AVEN: variants seen among roughly 807,000 people sequenced by gnomAD.
AVEN encodes apoptosis and caspase activation inhibitor.
AVEN carries 41 observed loss-of-function variants against 38.1 expected under a neutral mutation model. That is an observed-to-expected ratio of 1.08 (90% CI 0.84 to 1.40). The LOEUF is 1.40. Ranked by LOEUF, AVEN falls within the 40% of genes most tolerant of loss-of-function variation. AVEN has a pLI of 0.00. For missense variants in AVEN, 605 were observed against 438.8 expected, an observed-to-expected ratio of 1.38 and a Z score of -3.38; for synonymous variants, 206 against 171.8, an observed-to-expected ratio of 1.20 and a Z score of -1.56.
intron 1 of AVEN, among the ~76,000 whole-genome samples, chr15:34,023,146 G>A (rs899103501): frequency 1.3e-5 from 2 of 151,856 alleles, no homozygotes; most frequent in Non-Finnish European, 1.5e-5. Flanking sequence ...GCGCCACTGC[G>A]CTCCAGCCTG....
chr15:33,866,009 T>C (rs1168225447), downstream of AVEN: 1 of 153,052 alleles, frequency 6.5e-6, no homozygotes, highest in African/African-American at 2.4e-5. Flanking sequence ...AGTAATGCTT[T>C]ATGGTCCCTT....
At chr15:34,043,059 A>C (rs1050687950), upstream of AVEN, among the ~76,000 whole-genome samples, 6 of 152,036 alleles carry the variant, frequency 3.9e-5, no homozygotes, top group Non-Finnish European at 7.4e-5. Flanking sequence ...CATCCTGGCT[A>C]ACACAGTGAA....
intron 2 of AVEN, among the ~76,000 whole-genome samples, chr15:33,974,214 T>C (rs1420247083): frequency 1.3e-5 from 2 of 152,170 alleles, no homozygotes; most frequent in African/African-American, 4.8e-5. Context: ...TCAGGGGAAT[T>C]TGAATAAGTA....
At chr15:34,037,970 AAGAC>A (rs1203466803) in intron 1 of AVEN, among the ~76,000 whole-genome samples, 3 of 152,198 alleles carry the variant, frequency 2.0e-5, no homozygotes, top group Non-Finnish European at 4.4e-5. Flanking sequence ...AACTCATAAA[AAGAC>A]AGTCCTCTAA....
chr15:33,935,983 A>G (rs77367229), intron 2 of AVEN, among the ~76,000 whole-genome samples: 3,903 of 152,286 alleles, frequency 0.026, 79 homozygotes, highest in Middle Eastern at 0.065. Context: ...ATAACCTTTT[A>G]ATTTCCAGAA....
chr15:33,936,398 C>CA (rs970345172), intron 2 of AVEN, among the ~76,000 whole-genome samples: 2 of 151,896 alleles, frequency 1.3e-5, no homozygotes, highest in Non-Finnish European at 2.9e-5. Flanking sequence ...TGCGTTATAC[C>CA]AAAAAAACTA....
intron 5 of AVEN, among the ~76,000 whole-genome samples, chr15:34,046,034 G>C (rs2140814465): frequency 6.6e-6 from 1 of 152,274 alleles, no homozygotes. Context: ...AATGGGAACT[G>C]TTAAAGTTTG....
At chr15:33,983,211 T>TACAC (rs1555512813) in intron 2 of AVEN, among the ~76,000 whole-genome samples, 292 of 14,534 alleles carry the variant, frequency 0.02, 5 homozygotes, top group African/African-American at 0.034. Flanking sequence ...TATATATATA[T>TACAC]ATACATATAT....
At chr15:33,944,559 C>T (rs1224842248) in intron 2 of AVEN, among the ~76,000 whole-genome samples, 1 of 152,136 alleles carries the variant, frequency 6.6e-6, no homozygotes, top group Non-Finnish European at 1.5e-5. Context: ...CCTGTAATCC[C>T]AGCACTTTGG....
At chr15:33,981,505 G>A (rs1027031952) in intron 2 of AVEN, among the ~76,000 whole-genome samples, 8 of 152,092 alleles carry the variant, frequency 5.3e-5, no homozygotes, top group African/African-American at 1.9e-4. Flanking sequence ...TGGGGGGAAG[G>A]GGAGGAAACA....
At chr15:33,859,417 G>C (rs2080096154) in intron 11 of AVEN, among the ~76,000 whole-genome samples, 1 of 152,170 alleles carries the variant, frequency 6.6e-6, no homozygotes. Context: ...GGGTGCAGTG[G>C]ACAGCAGCTA....
downstream of AVEN, chr15:33,854,931 C>G (rs768516250): frequency 1.2e-6 from 2 of 1,601,282 alleles, no homozygotes; most frequent in Non-Finnish European, 8.5e-7. Context: ...TCTACTGATG[C>G]AGAACAGAAT....
rs59039975 is a variant in AVEN, at chr15:34,002,056, T to C, written c.445+976A>G. Among the ~76,000 whole-genome samples the C allele has an allele frequency of 8.7e-3, 1,330 of 152,346 alleles. 22 individuals carry two copies. The highest frequency in any genetic ancestry group is 0.031 in the African/African-American group (1,273 of 41,568). ...AGAAATAATACAGAAAGATCTCTTG[T>C]ACACATTGCCCAGTTTACCCCAATG... On this transcript the variant is annotated intron_variant, in intron 2 of 5. Coordinates refer to ENST00000306730, the MANE Select transcript of AVEN (RefSeq NM_020371.3).
chr15:33,921,163 C>T (rs923104661), intron 2 of AVEN, among the ~76,000 whole-genome samples: 1 of 152,220 alleles, frequency 6.6e-6, no homozygotes, highest in African/African-American at 2.4e-5. Context: ...ATTCTCATCA[C>T]TATTATTAGT....
rs753051440 is a variant in AVEN at position 33,984,104 on chromosome 15, CA to C, written c.445+18927del. 1.0e-3 allele frequency among the ~76,000 whole-genome samples: 155 copies of C among 152,028 alleles called. 2 individuals carry two copies. Among genetic ancestry groups the C allele is most frequent in the Non-Finnish European group, 1.9e-3 (126 of 67,970 alleles). On this transcript the variant is annotated intron_variant, in intron 2 of 5. Transcript: ENST00000306730. ...CTGAGTTAGAAGAGAAAAAGGACATCAGTGGAAAAAATTGGAGAAATGCAAA... is the reference window on the plus strand; with the variant it reads ...CTGAGTTAGAAGAGAAAAAGGACATCGTGGAAAAAATTGGAGAAATGCAAA...
chr15:34,017,935 T>C (rs960207233), intron 1 of AVEN, among the ~76,000 whole-genome samples: 7 of 152,234 alleles, frequency 4.6e-5, no homozygotes, highest in African/African-American at 7.2e-5. Flanking sequence ...CACAGCATTA[T>C]TCACAGGTCT....
intron 2 of AVEN, among the ~76,000 whole-genome samples, chr15:33,999,219 T>C (rs1361402146): frequency 6.6e-6 from 1 of 152,228 alleles, no homozygotes; most frequent in South Asian, 2.1e-4. Flanking sequence ...AGTGGGGTCA[T>C]CTTCACTGGC....
chr15:33,884,550 T>C (rs899262316), intron 2 of AVEN, among the ~76,000 whole-genome samples: 2 of 152,224 alleles, frequency 1.3e-5, no homozygotes, highest in East Asian at 1.9e-4. Context: ...ACATGTCTTA[T>C]GGTCAGTGGC....
At chr15:34,067,389 GAT>G (rs1381358191) in intron 2 of AVEN, 1 of 152,212 alleles carries the variant, frequency 6.6e-6, no homozygotes, top group Non-Finnish European at 1.5e-5. Context: ...TACAGCAAAG[GAT>G]ATGGGGACTG....
Sources: allele counts gnomAD v4.1 joint callset (sites outside exome capture counted in the v4.1 genomes callset), GRCh38; gene constraint gnomAD v4.1.1; transcripts MANE v1.5; gene names NCBI Gene and HGNC (gene_info 2026-07-23, HGNC 2026-07-21).